STK38L: variants seen among roughly 807,000 people sequenced by gnomAD.
STK38L encodes serine/threonine-protein kinase 38-like.
A neutral mutation model predicts 59.7 loss-of-function variants in STK38L; 28 were observed. The observed-to-expected ratio is 0.47, with a 90% CI of 0.35 to 0.64. The LOEUF (loss-of-function observed/expected upper bound fraction) is 0.64, where lower values mean the gene tolerates loss of function less well. STK38L is among the 30% of genes least tolerant of loss of function. The pLI is 0.01. For synonymous variants in STK38L, 162 were observed against 176.8 expected, an observed-to-expected ratio of 0.92 and a Z score of 0.66; for missense variants, 314 against 555.8, an observed-to-expected ratio of 0.56 and a Z score of 4.37.
intron 1 of STK38L, among the ~76,000 whole-genome samples, chr12:27,247,510 T>C (rs941890904): frequency 1.3e-5 from 2 of 152,182 alleles, no homozygotes; most frequent in African/African-American, 4.8e-5. Context: ...TTTTAATCCA[T>C]TTTTGGAAGT....
rs1944821698 is a variant in STK38L, at chr12:27,325,624, A to G, written c.*3169A>G. The G allele has an allele frequency of 6.6e-6, 1 of 152,156 alleles. No individual in the cohort carries two copies. The highest frequency in any genetic ancestry group is 2.4e-5 in the African/African-American group (1 of 41,442). 9.4% of individuals were successfully genotyped at this position (152,156 alleles called of 1,614,324 possible). A position where few individuals can be genotyped will look rare whatever the true frequency, so the allele number is the denominator to read the frequency against. ...TTATTTTCCTGTTGTGTTTATTTAAATTTACTTTCTCTTTAGAAGTGCACT... is the reference window on the plus strand; with the variant it reads ...TTATTTTCCTGTTGTGTTTATTTAAGTTTACTTTCTCTTTAGAAGTGCACT... On this transcript the variant is annotated 3_prime_UTR_variant, in exon 14 of 14. Transcript: ENST00000389032.
At chr12:27,307,837 G>A (rs1944353639) in intron 3 of STK38L, among the ~76,000 whole-genome samples, 1 of 152,064 alleles carries the variant, frequency 6.6e-6, no homozygotes, top group South Asian at 2.1e-4. Flanking sequence ...TCTATGCCAG[G>A]TCTCAAGCAG....
At chr12:27,277,603 AATC>A (rs1367627886) in intron 1 of STK38L, among the ~76,000 whole-genome samples, 1 of 152,156 alleles carries the variant, frequency 6.6e-6, no homozygotes, top group Non-Finnish European at 1.5e-5. Flanking sequence ...TGAGTAAAGA[AATC>A]ATGGAGATAT....
Position 27,322,543 on chromosome 12 carries a change from C to T in STK38L, c.*88C>T, listed in dbSNP as rs924874911. The T allele has an allele frequency of 5.3e-6, 8 of 1,504,160 alleles. No individual in the cohort carries two copies. In the South Asian group the frequency reaches 9.5e-5, roughly 18 times the overall value. 93.2% of individuals were successfully genotyped at this position (1,504,160 alleles called of 1,614,324 possible). On this transcript the variant is annotated 3_prime_UTR_variant, in exon 14 of 14. Coordinates refer to ENST00000389032, the MANE Select transcript of STK38L (RefSeq NM_015000.4). ...GCGTAGATAACAATACACTGAAATA[C>T]TCCTGAAGATGGTGGTGCTTATTGA...
chr12:27,287,222 C>T (rs997851873), intron 1 of STK38L, among the ~76,000 whole-genome samples: 13 of 151,972 alleles, frequency 8.6e-5, no homozygotes, highest in African/African-American at 2.4e-4. Context: ...TCTCCTGCCT[C>T]AGCCTCCTGA....
chr12:27,285,798 T>C (rs977730595), intron 1 of STK38L, among the ~76,000 whole-genome samples: 1 of 152,234 alleles, frequency 6.6e-6, no homozygotes, highest in African/African-American at 2.4e-5. Flanking sequence ...TCCTTAAAGC[T>C]AGAACATTTA....
At chr12:27,267,532 G>A (rs1414447786) in intron 1 of STK38L, among the ~76,000 whole-genome samples, 1 of 152,226 alleles carries the variant, frequency 6.6e-6, no homozygotes, top group Non-Finnish European at 1.5e-5. Context: ...TCAGCCTCGT[G>A]TTCTAGTGAA....
chr12:27,322,065 G>T, intron 12 of STK38L, 78 bp from the exon 13 acceptor site: 2 of 1,331,240 alleles, frequency 1.5e-6, no homozygotes, highest in Non-Finnish European at 1.1e-6. Context: ...ATAGTATGCA[G>T]AATTTACAAG....
chr12:27,268,958 A>T (rs1165998740), intron 1 of STK38L, among the ~76,000 whole-genome samples: 2 of 151,824 alleles, frequency 1.3e-5, no homozygotes, highest in Non-Finnish European at 2.9e-5. Flanking sequence ...CCACTTTTTG[A>T]TGGGGTTGTT....
chr12:27,321,472 A>G (rs552648233), intron 12 of STK38L, among the ~76,000 whole-genome samples: 77 of 152,316 alleles, frequency 5.1e-4, no homozygotes, highest in African/African-American at 1.8e-3. Context: ...CTTTTAATTT[A>G]TGGATTGTCT....
intron 1 of STK38L, among the ~76,000 whole-genome samples, chr12:27,271,116 A>G (rs542267970): frequency 2.6e-5 from 4 of 152,222 alleles, no homozygotes; most frequent in Non-Finnish European, 5.9e-5. Flanking sequence ...CTTTTGATCT[A>G]TGAGAAAACC....
intron 11 of STK38L, 112 bp from the exon 12 acceptor site, chr12:27,319,216 T>G: frequency 1.5e-6 from 1 of 657,596 alleles, no homozygotes; most frequent in Non-Finnish European, 2.5e-6. Flanking sequence ...ATAGTTAACA[T>G]CAATAAAAGA....
At position 27,300,546 on chromosome 12, in the gene STK38L, T is replaced by C. The variant is rs78604557; in HGVS notation, c.135-1591T>C. The C allele has an allele frequency of 6.7e-4, 305 of 456,070 alleles. 1 individual carries two copies. Among genetic ancestry groups the C allele is most frequent in the African/African-American group, 5.7e-3 (288 of 50,198 alleles). The allele number at this position is 456,070 out of a possible 1,614,324, so 28.3% of individuals were successfully genotyped here. A position where few individuals can be genotyped will look rare whatever the true frequency, so the allele number is the denominator to read the frequency against. On this transcript the variant is annotated intron_variant, in intron 2 of 13. Coordinates refer to ENST00000389032, the MANE Select transcript of STK38L (RefSeq NM_015000.4). ...ATGGTCCTCTTACTCTCTGGATTCT[T>C]TCTGCAGAGGAGAAAACTGGAAATC...
At chr12:27,273,149 T>C (rs1167316827) in intron 1 of STK38L, among the ~76,000 whole-genome samples, 1 of 152,184 alleles carries the variant, frequency 6.6e-6, no homozygotes, top group Non-Finnish European at 1.5e-5. Flanking sequence ...TATGTTTATC[T>C]TTTTTCTTTT....
chr12:27,277,549 A>G (rs1001530815), intron 1 of STK38L, among the ~76,000 whole-genome samples: 39 of 152,230 alleles, frequency 2.6e-4, no homozygotes, highest in African/African-American at 9.4e-4. Flanking sequence ...TAATTGAGGA[A>G]GGAAGAGCTG....
Position 27,244,347 on chromosome 12 carries a change from G to A in STK38L, c.-12+15G>A, listed in dbSNP as rs1175749833. ...ACCGGAGGCAGGTGAGTTCGCGGAT[G>A]TAGCGCTCGGCTGAGGGCCCGAGCT... On this transcript the variant is annotated intron_variant, in intron 1 of 13. Coordinates refer to ENST00000389032, the MANE Select transcript of STK38L (RefSeq NM_015000.4). 1.3e-5 allele frequency: 2 copies of A among 152,356 alleles called. No individual in the cohort carries two copies. The highest frequency in any genetic ancestry group is 2.9e-5 in the Non-Finnish European group (2 of 68,132). 9.4% of individuals were successfully genotyped at this position (152,356 alleles called of 1,614,324 possible). A position where few individuals can be genotyped will look rare whatever the true frequency, so the allele number is the denominator to read the frequency against.
intron 1 of STK38L, among the ~76,000 whole-genome samples, chr12:27,251,336 T>C (rs1942971336): frequency 6.6e-6 from 1 of 152,208 alleles, no homozygotes; most frequent in African/African-American, 2.4e-5. Flanking sequence ...ACTTTATAGT[T>C]TTATGAAGCG....
intron 3 of STK38L, among the ~76,000 whole-genome samples, chr12:27,302,786 T>C (rs1944207257): frequency 1.3e-5 from 2 of 151,784 alleles, no homozygotes; most frequent in African/African-American, 2.4e-5. Flanking sequence ...TTTGGGAGGC[T>C]GAGGCGGGTG....
At chr12:27,253,593 GCTGCAATCAGGCATAGCAGCTGT>G (rs1343593689) in intron 1 of STK38L, among the ~76,000 whole-genome samples, 1 of 152,198 alleles carries the variant, frequency 6.6e-6, no homozygotes, top group Non-Finnish European at 1.5e-5. Context: ...GGTAGAAATA[GCTGCAATCAGGCATAGCAGCTGT>G]CATGAAAGAG....
Sources: allele counts gnomAD v4.1 joint callset (sites outside exome capture counted in the v4.1 genomes callset), GRCh38; gene constraint gnomAD v4.1.1; transcripts MANE v1.5; gene names NCBI Gene and HGNC (gene_info 2026-07-23, HGNC 2026-07-21).